The following DIPK2B variants were observed in gnomAD, a reference collection of about 807,000 sequenced individuals.
The protein encoded by DIPK2B is UPF0672 protein CXorf36.
A neutral mutation model predicts 22.2 loss-of-function variants in DIPK2B; 15 were observed. That is an observed-to-expected ratio of 0.68 (90% CI 0.45 to 1.04). DIPK2B has a LOEUF of 1.04. Among genes scored for constraint, DIPK2B ranks in the 50% least tolerant of loss-of-function variants. DIPK2B has a pLI of 0.00. For synonymous variants in DIPK2B, 163 were observed against 153.2 expected, an observed-to-expected ratio of 1.06 and a Z score of -0.47; for missense variants, 345 against 348.3, an observed-to-expected ratio of 0.99 and a Z score of 0.08.
intron 1 of DIPK2B, among the ~76,000 whole-genome samples, chrX:45,192,971 G>A (rs1050263667): frequency 2.1e-4 from 23 of 111,883 alleles, no homozygotes; most frequent in African/African-American, 5.5e-4. Context: ...TAGAGACAAC[G>A]TTTTACCATG....
rs1485885404 is a variant in DIPK2B at position 45,148,673 on chromosome X, C to T, written c.*2979G>A. On this transcript the variant is annotated 3_prime_UTR_variant, in exon 5 of 5. Transcript: ENST00000398000. ...CTTCCCCCATCACCCAATCACCTCCCATCAGGCCCCACCTCCAATGCTGGG... is the reference window on the plus strand; with the variant it reads ...CTTCCCCCATCACCCAATCACCTCCTATCAGGCCCCACCTCCAATGCTGGG... The T allele has an allele frequency of 9.0e-6, 1 of 111,453 alleles. No homozygotes were observed. Among genetic ancestry groups the T allele is most frequent in the African/African-American group, 3.3e-5 (1 of 30,475 alleles). 9.2% of individuals were successfully genotyped at this position (111,453 alleles called of 1,213,427 possible).
intron 2 of DIPK2B, among the ~76,000 whole-genome samples, chrX:45,165,727 A>G (rs777013375): frequency 7.1e-5 from 8 of 112,099 alleles, no homozygotes; most frequent in Admixed American, 1.9e-4. Context: ...CCGTTTTAGC[A>G]TGGTAAAAAG....
At chrX:45,164,103 A>G (rs2047035464) in intron 2 of DIPK2B, 6 of 1,075,247 alleles carry the variant, frequency 5.6e-6, no homozygotes, top group Non-Finnish European at 7.3e-6. Flanking sequence ...AATGATTACT[A>G]TTTGAAAATG....
intron 2 of DIPK2B, among the ~76,000 whole-genome samples, chrX:45,158,128 G>A (rs1414676976): frequency 1.2e-5 from 1 of 85,603 alleles, no homozygotes; most frequent in African/African-American, 4.6e-5. Context: ...GGGAAGAGGG[G>A]CCAGAGCACT....
At chrX:45,170,815 A>G (rs1028280223) in intron 2 of DIPK2B, among the ~76,000 whole-genome samples, 2 of 112,389 alleles carry the variant, frequency 1.8e-5, no homozygotes, top group South Asian at 3.7e-4. Context: ...ATTGAAAACC[A>G]GTTGCTAACA....
intron 2 of DIPK2B, among the ~76,000 whole-genome samples, chrX:45,184,352 A>G (rs1045849689): frequency 8.9e-6 from 1 of 111,991 alleles, no homozygotes; most frequent in Non-Finnish European, 1.9e-5. Flanking sequence ...TCACTGTATG[A>G]TACGGTAGAT....
intron 2 of DIPK2B, among the ~76,000 whole-genome samples, chrX:45,166,880 T>G (rs1160379368): frequency 8.9e-6 from 1 of 111,934 alleles, no homozygotes; most frequent in Non-Finnish European, 1.9e-5. Flanking sequence ...AACAAATGAA[T>G]TTTTACTTTG....
In DIPK2B at chrX:45,181,189, G is replaced by A. The variant is rs780285896; in HGVS notation, c.498+10562C>T. 2.0e-3 allele frequency among the ~76,000 whole-genome samples: 229 copies of A among 111,780 alleles called. 1 individual carries two copies. Among genetic ancestry groups the A allele is most frequent in the Non-Finnish European group, 2.9e-3 (155 of 53,110 alleles). ...TAGCTAGCAAAACGTGTGCAAAATA[G>A]CTATGCTGAAAACCATGAAACAGTG... On this transcript the variant is annotated intron_variant, in intron 2 of 4. Transcript: ENST00000398000.
chrX:45,173,407 C>G (rs1202198369), intron 2 of DIPK2B, among the ~76,000 whole-genome samples: 1 of 110,584 alleles, frequency 9.0e-6, no homozygotes, highest in East Asian at 2.9e-4. Flanking sequence ...GGACATAGTG[C>G]AGACAGAGTT....
chrX:45,177,370 G>A (rs1441745601), intron 2 of DIPK2B, among the ~76,000 whole-genome samples: 1 of 110,547 alleles, frequency 9.0e-6, no homozygotes. Flanking sequence ...CCTCATGGGA[G>A]GTGTTTGGGT....
At chrX:45,163,971 T>C (rs922614222) in intron 2 of DIPK2B, 2 of 953,033 alleles carry the variant, frequency 2.1e-6, no homozygotes, top group African/African-American at 4.0e-5. Flanking sequence ...GAGCCGGGGC[T>C]TTGGAGTTGT....
chrX:45,191,936 A>G lies in DIPK2B; in HGVS notation c.313T>C (p.Ser105Pro), dbSNP rs200347329. 8.8e-4 allele frequency: 1,071 copies of G among 1,210,312 alleles called. 6 individuals carry two copies. In the South Asian group the frequency reaches 0.012, roughly 14 times the overall value. ...ATCTCCACAGGGCGCCAGATTTTGG[A>G]ATCATCTGAGTAATTTGCAGGATAA... Reference protein sequence around the residue: ...LSYPANYSDDSKIWRPVEIFR... With the variant: ...LSYPANYSDDPKIWRPVEIFR... Residue 105 changes from serine (S) to proline (P), a missense_variant, in exon 2 of 5, where the codon TCC becomes CCC. Ser to Pro is a moderately conservative substitution (Grantham distance 74, BLOSUM62 -1). Transcript: ENST00000398000.
At chrX:45,170,243 CAAAAAA>C (rs145240278) in intron 2 of DIPK2B, among the ~76,000 whole-genome samples, 11 of 52,610 alleles carry the variant, frequency 2.1e-4, no homozygotes, top group African/African-American at 3.9e-4. Context: ...GACTCCGTCT[CAAAAAA>C]AAAAAAAAAA....
chrX:45,187,811 C>A (rs1430613555), intron 2 of DIPK2B, among the ~76,000 whole-genome samples: 1 of 111,205 alleles, frequency 9.0e-6, no homozygotes, highest in Non-Finnish European at 1.9e-5. Context: ...TTTCTCCTCT[C>A]ATCTCTGCCT....
chrX:45,193,370 T>C (rs1310277353), intron 1 of DIPK2B, among the ~76,000 whole-genome samples: 2 of 112,191 alleles, frequency 1.8e-5, no homozygotes, highest in African/African-American at 6.5e-5. Flanking sequence ...GATAATGAGT[T>C]TTGGATAATG....
At chrX:45,184,191 G>A (rs1000585672) in intron 2 of DIPK2B, among the ~76,000 whole-genome samples, 1 of 111,386 alleles carries the variant, frequency 9.0e-6, no homozygotes, top group Non-Finnish European at 1.9e-5. Flanking sequence ...CTGCGTGTAT[G>A]GGAGGGCATA....
At chrX:45,157,179 C>T (rs1456722501) in intron 3 of DIPK2B, among the ~76,000 whole-genome samples, 2 of 111,422 alleles carry the variant, frequency 1.8e-5, no homozygotes, top group Non-Finnish European at 1.9e-5. Flanking sequence ...CTGTCTCTAC[C>T]ACTGGACTGG....
chrX:45,187,846 T>C (rs2047192067), intron 2 of DIPK2B, among the ~76,000 whole-genome samples: 1 of 111,095 alleles, frequency 9.0e-6, no homozygotes, highest in African/African-American at 3.3e-5. Flanking sequence ...AAAGAGCCCG[T>C]GAGCTCCTTG....
intron 2 of DIPK2B, among the ~76,000 whole-genome samples, chrX:45,165,908 T>C (rs1451193235): frequency 9.0e-6 from 1 of 111,310 alleles, no homozygotes; most frequent in African/African-American, 3.3e-5. Context: ...GTCACTGCCA[T>C]GTGCTAGACG....
Sources: gnomAD v4.1 joint callset for allele counts (sites outside exome capture counted in the v4.1 genomes callset) on GRCh38, gnomAD v4.1.1 for gene constraint, MANE v1.5 for transcripts, NCBI Gene and HGNC (gene_info 2026-07-23, HGNC 2026-07-21) for gene names.